Variants in LRRIQ1 observed in about 807,000 individuals in gnomAD.
LRRIQ1 encodes leucine-rich repeat- and IQ domain-containing protein 1.
A neutral mutation model predicts 211.9 loss-of-function variants in LRRIQ1; 210 were observed. The ratio of observed to expected loss-of-function variants is 0.99; its 90% CI spans 0.89 to 1.11. LRRIQ1 has a LOEUF of 1.11. Among genes scored for constraint, LRRIQ1 ranks in the 50% most tolerant of loss-of-function variants. The pLI is 0.00. For synonymous variants in LRRIQ1, 699 were observed against 650.1 expected (o/e 1.08, Z -1.14); for missense variants, 2,136 against 1,939.5 (o/e 1.10, Z -1.90).
intron 1 of LRRIQ1, among the ~76,000 whole-genome samples, chr12:85,251,959 T>G (rs1895958149): frequency 6.6e-6 from 1 of 151,938 alleles, no homozygotes; most frequent in African/African-American, 2.4e-5. Context: ...CTTTTCTCTG[T>G]GCCAGAATAC....
At chr12:85,060,903 T>C (rs1881716544) in intron 8 of LRRIQ1, among the ~76,000 whole-genome samples, 1 of 151,892 alleles carries the variant, frequency 6.6e-6, no homozygotes, top group Admixed American at 6.6e-5. Flanking sequence ...CAATGGGCTG[T>C]AAAGGATTTG....
intron 17 of LRRIQ1, among the ~76,000 whole-genome samples, chr12:85,126,854 C>T (rs1404506409): frequency 6.6e-6 from 1 of 151,920 alleles, no homozygotes; most frequent in Non-Finnish European, 1.5e-5. Context: ...GTGGTCATAT[C>T]TAGTAGAGTT....
chr12:85,243,307 A>G (rs1282387418), intron 26 of LRRIQ1, among the ~76,000 whole-genome samples: 1 of 124,398 alleles, frequency 8.0e-6, no homozygotes, highest in Non-Finnish European at 1.7e-5. Context: ...AAAATAATGT[A>G]TAACTTTTAT....
intron 24 of LRRIQ1, among the ~76,000 whole-genome samples, chr12:85,217,508 ATGTGTGTGTGTGTGTG>A (rs370971727): frequency 0.037 from 2,396 of 64,154 alleles, 237 homozygotes; most frequent in African/African-American, 0.15. Context: ...ATATATATAT[ATGTGTGTGTGTGTGTG>A]TGTGTGTGTG....
intron 18 of LRRIQ1, among the ~76,000 whole-genome samples, chr12:85,130,784 G>A (rs1315209508): frequency 6.6e-6 from 1 of 152,100 alleles, no homozygotes; most frequent in Non-Finnish European, 1.5e-5. Flanking sequence ...AAAATGAAAG[G>A]TTTTGTGAAG....
chr12:85,045,697 T>G (rs994888892), intron 4 of LRRIQ1, among the ~76,000 whole-genome samples: 9 of 151,860 alleles, frequency 5.9e-5, no homozygotes, highest in African/African-American at 2.2e-4. Flanking sequence ...ATAGAATATA[T>G]TAAAAGGAAA....
chr12:85,092,006 TTCA>T (rs1292904559), intron 11 of LRRIQ1, among the ~76,000 whole-genome samples: 1 of 152,148 alleles, frequency 6.6e-6, no homozygotes, highest in Non-Finnish European at 1.5e-5. Context: ...CACCTGTCAG[TTCA>T]TCAGCAGCAT....
Position 85,055,917 on chromosome 12 carries a change from G to C in LRRIQ1, c.1124G>C (p.Arg375Thr). The C allele has an allele frequency of 6.2e-7, 1 of 1,603,676 alleles. No individual in the cohort carries two copies. Among genetic ancestry groups the C allele is most frequent in the Non-Finnish European group, 8.5e-7 (1 of 1,176,720 alleles). ...EEKKNIVKQE[R>T]EQLISKEKII... The stretch of plus-strand genomic sequence containing the variant: ...AAAAAGAATATTGTGAAACAGGAAA[G>C]AGAGCAACTAATAAGCAAGGAAAAA... Residue 375 changes from arginine (R) to threonine (T), a missense_variant, in exon 8 of 27, where the codon AGA (arginine) becomes ACA (threonine). Transcript: ENST00000393217.
At chr12:85,105,017 A>G (rs1307343242) in intron 14 of LRRIQ1, among the ~76,000 whole-genome samples, 1 of 152,012 alleles carries the variant, frequency 6.6e-6, no homozygotes, top group East Asian at 1.9e-4. Flanking sequence ...ACTTCTTTAC[A>G]AGTGTTTATT....
chr12:85,157,600 A>C (rs1218557437), intron 23 of LRRIQ1, among the ~76,000 whole-genome samples: 1 of 151,956 alleles, frequency 6.6e-6, no homozygotes, highest in Non-Finnish European at 1.5e-5. Context: ...AGTGCAGTGA[A>C]GAAGATCCTG....
chr12:85,119,718 G>A lies in LRRIQ1; in HGVS notation c.3378-1979G>A, dbSNP rs146279331. ...TTTTGGTTATTCTAATAGGTACGTA[G>A]TGGTATCACATTGTCTCGTTGTTAT... On this transcript the variant is annotated intron_variant, in intron 15 of 26. Transcript: ENST00000393217. Among the ~76,000 whole-genome samples the A allele has an allele frequency of 2.6e-5, 4 of 152,252 alleles. No individual in the cohort carries two copies. The East Asian group carries it at 5.8e-4, about 22-fold the overall frequency.
intron 1 of LRRIQ1, among the ~76,000 whole-genome samples, chr12:85,251,734 TAGAA>T (rs1304390152): frequency 6.8e-6 from 1 of 146,814 alleles, no homozygotes; most frequent in Non-Finnish European, 1.5e-5. Flanking sequence ...TGGTGAAAAT[TAGAA>T]AGACATATAT....
intron 23 of LRRIQ1, among the ~76,000 whole-genome samples, chr12:85,157,242 C>T (rs1018601692): frequency 2.6e-5 from 4 of 151,524 alleles, no homozygotes; most frequent in Non-Finnish European, 4.4e-5. Context: ...GACTTAGTAT[C>T]GATGACTTCT....
Position 85,230,396 on chromosome 12 carries a change from T to C in LRRIQ1, c.4955+747T>C, listed in dbSNP as rs186088494. Among the ~76,000 whole-genome samples the C allele has an allele frequency of 6.3e-4, 96 of 152,328 alleles. 1 individual carries two copies. The highest frequency in any genetic ancestry group is 2.1e-3 in the African/African-American group (88 of 41,574). On this transcript the variant is annotated intron_variant, in intron 25 of 26. Coordinates refer to ENST00000393217, the MANE Select transcript of LRRIQ1 (RefSeq NM_001079910.2). ...CCTTTGTTTGCAGATGGCTACTTTC[T>C]TGCTGTATCCTCACAAGGATGTGGA...
At position 85,073,090 on chromosome 12, in the gene LRRIQ1, A is replaced by T. The variant is rs1370539865; in HGVS notation, c.2879A>T (p.Tyr960Phe). ...SDCNFLISHLYWNCGLESLKN... is the reference protein window; with the variant it reads ...SDCNFLISHLFWNCGLESLKN... ...TGTAATTTCCTTATCTCCCACTTAT[A>T]CTGGAATTGTAAGTTGTGTTTATTT... Residue 960 changes from tyrosine (Y) to phenylalanine (F), a missense_variant, in exon 11 of 27, where the codon TAC becomes TTC. Tyr to Phe is a conservative substitution (Grantham distance 22, BLOSUM62 3). Coordinates refer to ENST00000393217, the MANE Select transcript of LRRIQ1 (RefSeq NM_001079910.2). 1.3e-6 allele frequency: 2 copies of T among 1,595,020 alleles called. No individual in the cohort carries two copies. Among genetic ancestry groups the T allele is most frequent in the African/African-American group, 2.7e-5 (2 of 73,894 alleles).
chr12:85,132,361 G>A (rs1021884204), intron 18 of LRRIQ1, among the ~76,000 whole-genome samples: 1 of 152,130 alleles, frequency 6.6e-6, no homozygotes, highest in African/African-American at 2.4e-5. Flanking sequence ...TGCAGAGGAA[G>A]GGATATGCAG....
chr12:85,055,870 G>A lies in LRRIQ1; in HGVS notation c.1077G>A (p.Arg359=), dbSNP rs1289078447. The A allele has an allele frequency of 2.5e-6, 4 of 1,590,820 alleles. No homozygotes were observed. Among genetic ancestry groups the A allele is most frequent in the Middle Eastern group, 1.8e-4 (1 of 5,524 alleles). ...RKKQKEEERK[R]REKEYEEKKN... Reference sequence around the variant, plus strand: ...AGCAAAAGGAAGAGGAAAGGAAAAGGAGAGAAAAAGAATATGAAGAAAAAA... The same window carrying A: ...AGCAAAAGGAAGAGGAAAGGAAAAGAAGAGAAAAAGAATATGAAGAAAAAA... Residue 359 remains arginine, a synonymous_variant, in exon 8 of 27, where the codon AGG becomes AGA. Transcript: ENST00000393217.
At chr12:85,236,316 C>T (rs1895169046) in intron 26 of LRRIQ1, among the ~76,000 whole-genome samples, 1 of 152,078 alleles carries the variant, frequency 6.6e-6, no homozygotes, top group Non-Finnish European at 1.5e-5. Context: ...AAAAGGTTAA[C>T]AGGTATATGA....
intron 11 of LRRIQ1, among the ~76,000 whole-genome samples, chr12:85,084,780 G>A (rs1006831053): frequency 1.3e-5 from 2 of 151,990 alleles, no homozygotes; most frequent in Non-Finnish European, 2.9e-5. Context: ...ACAAAAATTA[G>A]CCAGGCATGG....
Sources: gnomAD v4.1 joint callset for allele counts (sites outside exome capture counted in the v4.1 genomes callset) on GRCh38, gnomAD v4.1.1 for gene constraint, MANE v1.5 for transcripts, NCBI Gene and HGNC (gene_info 2026-07-23, HGNC 2026-07-21) for gene names.